Variants in AIG1 observed in about 807,000 individuals in gnomAD.
AIG1 encodes the protein androgen induced 1.
A neutral mutation model predicts 31.4 loss-of-function variants in AIG1; 23 were observed. That is an observed-to-expected ratio of 0.73 (90% CI 0.53 to 1.04). The LOEUF is 1.04. Among genes scored for constraint, AIG1 ranks in the 50% least tolerant of loss-of-function variants. AIG1 has a pLI of 0.00. For synonymous variants in AIG1, 100 were observed against 110.5 expected (o/e 0.90, Z 0.60); for missense variants, 274 against 295.0 (o/e 0.93, Z 0.52).
At chr6:143,061,401 A>AACG in intron 1 of AIG1, 1 of 410,358 alleles carries the variant, frequency 2.4e-6, no homozygotes, top group East Asian at 6.7e-5. Context: ...AATCTTCAAC[A>AACG]AAAGCATCGG....
At chr6:143,275,061 A>G (rs929492839) in intron 3 of AIG1, among the ~76,000 whole-genome samples, 1 of 152,232 alleles carries the variant, frequency 6.6e-6, no homozygotes, top group African/African-American at 2.4e-5. Context: ...TGTCAAATTG[A>G]CATTTACAAA....
chr6:143,060,595 G>A (rs890120228), upstream of AIG1: 2 of 446,858 alleles, frequency 4.5e-6, no homozygotes, highest in Non-Finnish European at 9.3e-6. Flanking sequence ...GGATGCCTAG[G>A]GGGCGCCTCC....
intron 1 of AIG1, among the ~76,000 whole-genome samples, chr6:143,082,248 T>G (rs1778327537): frequency 6.6e-6 from 1 of 152,220 alleles, no homozygotes; most frequent in African/African-American, 2.4e-5. Flanking sequence ...CTTTCAAGTA[T>G]TCCATTATCA....
intron 3 of AIG1, among the ~76,000 whole-genome samples, chr6:143,211,731 A>T (rs1287735228): frequency 6.6e-6 from 1 of 152,056 alleles, no homozygotes; most frequent in African/African-American, 2.4e-5. Flanking sequence ...TGTCTCTACT[A>T]AAAATGCAAA....
chr6:143,218,651 A>G (rs1417584612), intron 3 of AIG1, among the ~76,000 whole-genome samples: 1 of 152,030 alleles, frequency 6.6e-6, no homozygotes, highest in African/African-American at 2.4e-5. Flanking sequence ...TAGATAGAAC[A>G]TAAACCATTC....
intron 3 of AIG1, among the ~76,000 whole-genome samples, chr6:143,233,856 A>T (rs1046774238): frequency 6.6e-6 from 1 of 152,244 alleles, no homozygotes; most frequent in Non-Finnish European, 1.5e-5. Flanking sequence ...GGCTAAACTT[A>T]ATTTAACAGT....
chr6:143,188,457 G>C (rs924272387), intron 3 of AIG1: 124 of 985,234 alleles, frequency 1.3e-4, no homozygotes, highest in Non-Finnish European at 1.5e-4. Context: ...TTGGAAGTCA[G>C]GGTTAGAGTG....
At chr6:143,250,256 A>G (rs934792088) in intron 3 of AIG1, among the ~76,000 whole-genome samples, 6 of 152,070 alleles carry the variant, frequency 3.9e-5, no homozygotes, top group Non-Finnish European at 7.4e-5. Flanking sequence ...ATGTTATTCC[A>G]CACCTTTCTT....
downstream of AIG1, chr6:143,343,433 C>T: frequency 8.3e-6 from 4 of 480,884 alleles, no homozygotes; most frequent in South Asian, 5.3e-5. Context: ...GCCGGAGAGC[C>T]CCAGGAGACA....
intron 2 of AIG1, among the ~76,000 whole-genome samples, chr6:143,155,818 T>C (rs549537559): frequency 2.0e-5 from 3 of 152,154 alleles, no homozygotes; most frequent in East Asian, 3.9e-4. Flanking sequence ...GGAAGAGCAT[T>C]TGGGGCTTGA....
At chr6:143,220,880 C>T (rs576112669) in intron 3 of AIG1, among the ~76,000 whole-genome samples, 2 of 152,326 alleles carry the variant, frequency 1.3e-5, no homozygotes, top group South Asian at 2.1e-4. Context: ...CTTTCACCCA[C>T]TGATCTCAGT....
At chr6:143,188,634 G>A (rs1445106538) in intron 3 of AIG1, 1 of 984,866 alleles carries the variant, frequency 1.0e-6, no homozygotes, top group African/African-American at 1.7e-5. Context: ...TATAAAATCT[G>A]ATTCTACACT....
At chr6:143,342,434 A>G (rs1357353973), downstream of AIG1, 1 of 758,344 alleles carries the variant, frequency 1.3e-6, no homozygotes, top group Non-Finnish European at 2.4e-6. Flanking sequence ...TTGAACCTCG[A>G]AGATCAGACA....
intron 3 of AIG1, among the ~76,000 whole-genome samples, chr6:143,199,119 A>G (rs572606687): frequency 1.2e-4 from 19 of 152,352 alleles, no homozygotes; most frequent in Admixed American, 1.0e-3. Context: ...CTTGCATTAA[A>G]TTGCTTTAAA....
intron 1 of AIG1, among the ~76,000 whole-genome samples, chr6:143,072,600 TATCAGTTG>T (rs777086469): frequency 4.6e-5 from 7 of 152,112 alleles, no homozygotes; most frequent in Non-Finnish European, 1.0e-4. Context: ...ATATGCCCCT[TATCAGTTG>T]ATCAGTTGAG....
At chr6:143,263,618 C>G (rs184029957) in intron 3 of AIG1, among the ~76,000 whole-genome samples, 2 of 152,054 alleles carry the variant, frequency 1.3e-5, no homozygotes, top group Admixed American at 1.3e-4. Flanking sequence ...ACAAAGGAAT[C>G]GGTGTTAACA....
chr6:143,183,228 G>A (rs189721321), intron 3 of AIG1, among the ~76,000 whole-genome samples: 7 of 137,524 alleles, frequency 5.1e-5, no homozygotes, highest in East Asian at 2.2e-4. Context: ...ACGGAGTCTC[G>A]CTCTGTCGCC....
intron 3 of AIG1, among the ~76,000 whole-genome samples, chr6:143,178,394 C>T (rs1788388289): frequency 6.6e-6 from 1 of 152,160 alleles, no homozygotes; most frequent in African/African-American, 2.4e-5. Flanking sequence ...TGGGACCCAG[C>T]TTGATTTCCT....
chr6:143,134,412 T>C (rs1047013089), intron 1 of AIG1, among the ~76,000 whole-genome samples: 4 of 151,148 alleles, frequency 2.6e-5, no homozygotes, highest in Admixed American at 2.6e-4. Context: ...TTTTTTTTTT[T>C]TGGTTTAACA....
Sources: allele counts gnomAD v4.1 joint callset (sites outside exome capture counted in the v4.1 genomes callset), GRCh38; gene constraint gnomAD v4.1.1; transcripts MANE v1.5; gene names NCBI Gene and HGNC (gene_info 2026-07-23, HGNC 2026-07-21).